The following SEPTIN9 variants were observed in gnomAD, a reference collection of about 807,000 sequenced individuals.
SEPTIN9 encodes septin-9.
Under a neutral mutation model 56.6 loss-of-function variants are expected in SEPTIN9, and 13 were observed. The observed-to-expected ratio is 0.23, with a 90% CI of 0.15 to 0.37. The LOEUF is 0.37. SEPTIN9 is among the 10% of genes least tolerant of loss of function. The pLI, the probability that SEPTIN9 is intolerant of heterozygous loss-of-function variation, is 1.00. For synonymous variants in SEPTIN9, 332 were observed against 334.1 expected, an observed-to-expected ratio of 0.99 and a Z score of 0.07; for missense variants, 650 against 823.1, an observed-to-expected ratio of 0.79 and a Z score of 2.57.
intron 2 of SEPTIN9, among the ~76,000 whole-genome samples, chr17:77,331,732 C>T (rs1376514115): frequency 1.3e-5 from 2 of 152,096 alleles, no homozygotes; most frequent in African/African-American, 4.8e-5. Context: ...GAGAATGCAC[C>T]GGAGGGCAGA....
chr17:77,355,342 G>A (rs1360783944), intron 2 of SEPTIN9, among the ~76,000 whole-genome samples: 5 of 152,210 alleles, frequency 3.3e-5, no homozygotes, highest in African/African-American at 7.2e-5. Flanking sequence ...GCCAGATCCC[G>A]TCTTGGATGT....
chr17:77,429,643 G>A lies in SEPTIN9; in HGVS notation c.721+26940G>A, dbSNP rs1034424545. 6.6e-6 allele frequency among the ~76,000 whole-genome samples: 1 copy of A among 152,184 alleles called. No homozygotes were observed. ...GCTGGTGTGGAGTTTGCACAGATGG[G>A]GATAATGAGCTGGAGGGTGCTGGGC... On this transcript the variant is annotated intron_variant, in intron 3 of 11. Transcript: ENST00000427177. The surrounding 1 kb of genome is among the most constrained non-coding windows in gnomAD (Gnocchi z 5.2).
At chr17:77,343,789 C>T (rs1040397571) in intron 2 of SEPTIN9, among the ~76,000 whole-genome samples, 9 of 151,992 alleles carry the variant, frequency 5.9e-5, no homozygotes, top group Admixed American at 1.3e-4. Flanking sequence ...TGGGGGTCGG[C>T]GGGAGGAAAC....
rs375067644 is a variant in SEPTIN9, at chr17:77,326,541, C to G, written c.76+19344C>G. ...GGCAATGTGTTCAAAGGCCCTGGGG[C>G]GCGGGGGGCTGAGGCCGGCAGCACG... On this transcript the variant is annotated intron_variant, in intron 2 of 11. Coordinates refer to ENST00000427177, the MANE Select transcript of SEPTIN9 (RefSeq NM_001113491.2). The surrounding 1 kb of genome is among the most constrained non-coding windows in gnomAD (Gnocchi z 5.1). Among the ~76,000 whole-genome samples, 1 of 152,260 alleles carries G rather than the reference C, an allele frequency of 6.6e-6. No homozygotes were observed. Among genetic ancestry groups the G allele is most frequent in the African/African-American group, 2.4e-5 (1 of 41,542 alleles).
rs187335354 is a variant in SEPTIN9, at chr17:77,438,444, C to T, written c.721+35741C>T. ...TCCTAATCCCCAGCACCTGGGACTA[C>T]GTTAGGTGACATGGCAGGGCCAGCT... On this transcript the variant is annotated intron_variant, in intron 3 of 11. Coordinates refer to ENST00000427177, the MANE Select transcript of SEPTIN9 (RefSeq NM_001113491.2). 8.4e-4 allele frequency among the ~76,000 whole-genome samples: 128 copies of T among 152,320 alleles called. 1 individual carries two copies. The highest frequency in any genetic ancestry group is 4.8e-3 in the Admixed American group (74 of 15,300).
chr17:77,320,529 C>T (rs1321502488), intron 2 of SEPTIN9, among the ~76,000 whole-genome samples: 1 of 152,250 alleles, frequency 6.6e-6, no homozygotes, highest in African/African-American at 2.4e-5. Context: ...CTAAGCTCTC[C>T]TGAGTCTGGC....
At chr17:77,484,928 ATGG>A (rs372663101) in intron 4 of SEPTIN9, among the ~76,000 whole-genome samples, 2,089 of 61,330 alleles carry the variant, frequency 0.034, 268 homozygotes, top group Middle Eastern at 0.07. Context: ...GGTGATTGTG[ATGG>A]TGGTGATGGG....
chr17:77,422,896 C>T (rs1006201618), intron 3 of SEPTIN9, among the ~76,000 whole-genome samples: 1 of 152,164 alleles, frequency 6.6e-6, no homozygotes, highest in African/African-American at 2.4e-5. Flanking sequence ...CCTGCCAGAG[C>T]AAGTCTAATA....
intron 2 of SEPTIN9, among the ~76,000 whole-genome samples, chr17:77,314,608 C>T (rs150661631): frequency 4.3e-4 from 65 of 152,234 alleles, no homozygotes; most frequent in South Asian, 1.0e-3. Flanking sequence ...AATCCGAGCC[C>T]AGAGCATCAG....
chr17:77,339,082 C>T (rs1157033169), intron 2 of SEPTIN9, among the ~76,000 whole-genome samples: 2 of 152,326 alleles, frequency 1.3e-5, no homozygotes, highest in East Asian at 1.9e-4. Context: ...CTGCTATTTC[C>T]ACCACATCTG....
chr17:77,467,550 A>G (rs1173089460), intron 3 of SEPTIN9, among the ~76,000 whole-genome samples: 2 of 152,080 alleles, frequency 1.3e-5, no homozygotes, highest in South Asian at 2.1e-4. Flanking sequence ...CTCATCCCAC[A>G]CTGACCATTT....
At chr17:77,411,384 CCTTTTT>C (rs957871891) in intron 3 of SEPTIN9, among the ~76,000 whole-genome samples, 2 of 147,598 alleles carry the variant, frequency 1.4e-5, no homozygotes, top group Admixed American at 7.1e-5. Context: ...GTAGCACGTT[CCTTTTT>C]CTTTTTCTTT....
At chr17:77,422,927 G>A (rs777803314) in intron 3 of SEPTIN9, among the ~76,000 whole-genome samples, 3 of 152,160 alleles carry the variant, frequency 2.0e-5, no homozygotes, top group Admixed American at 6.5e-5. Context: ...TAAACCCCTC[G>A]TCCCCACAGC....
At position 77,476,719 on chromosome 17, in the gene SEPTIN9, G is replaced by T. The variant is rs1004575909; in HGVS notation, c.722-5425G>T. Among the ~76,000 whole-genome samples, 2 of 152,208 alleles carry T rather than the reference G, an allele frequency of 1.3e-5. No individual in the cohort carries two copies. Among genetic ancestry groups the T allele is most frequent in the Non-Finnish European group, 2.9e-5 (2 of 68,036 alleles). On this transcript the variant is annotated intron_variant, in intron 3 of 11. Transcript: ENST00000427177. The surrounding 1 kb of genome is among the most constrained non-coding windows in gnomAD (Gnocchi z 6.0). Reference sequence around the variant, plus strand: ...CAGAATGGGAACCTGCAGAGAAACTGTCAAGGTCTCCCGCCACCTGACACC... The same window carrying T: ...CAGAATGGGAACCTGCAGAGAAACTTTCAAGGTCTCCCGCCACCTGACACC...
At position 77,475,889 on chromosome 17, in the gene SEPTIN9, GCAGTGA is replaced by G. The variant is rs747181447; in HGVS notation, c.722-6251_722-6246del. 6.2e-7 allele frequency: 1 copy of G among 1,611,266 alleles called. No homozygotes were observed. Among genetic ancestry groups the G allele is most frequent in the Admixed American group, 1.7e-5 (1 of 59,988 alleles). On this transcript the variant is annotated intron_variant, in intron 3 of 11. Transcript: ENST00000427177. This position sits in a 1 kb window ranked among gnomAD's most constrained non-coding sequence, Gnocchi z 4.6. Reference sequence around the variant, plus strand: ...CTTGCATTCTGCTTGGCCACCATTGGCAGTGACAGACAAGGTGTGTGGGGATGTGGC... The same window carrying G: ...CTTGCATTCTGCTTGGCCACCATTGGCAGACAAGGTGTGTGGGGATGTGGC...
At chr17:77,283,453 C>T (rs1025601473) in intron 1 of SEPTIN9, among the ~76,000 whole-genome samples, 1 of 152,070 alleles carries the variant, frequency 6.6e-6, no homozygotes, top group Non-Finnish European at 1.5e-5. Flanking sequence ...TCTGAGTGTC[C>T]TGGAGCTGTC....
At chr17:77,413,833 G>A (rs1405341249) in intron 3 of SEPTIN9, among the ~76,000 whole-genome samples, 1 of 150,986 alleles carries the variant, frequency 6.6e-6, no homozygotes, top group Non-Finnish European at 1.5e-5. Flanking sequence ...CACGAACCAG[G>A]ACACACCTAT....
chr17:77,383,676 T>C (rs1037621823), intron 2 of SEPTIN9, among the ~76,000 whole-genome samples: 4 of 152,328 alleles, frequency 2.6e-5, no homozygotes, highest in Non-Finnish European at 4.4e-5. Flanking sequence ...ACCTGGCTGG[T>C]ACTTTGGGTG....
At chr17:77,364,923 A>G (rs911976963) in intron 2 of SEPTIN9, among the ~76,000 whole-genome samples, 3 of 152,220 alleles carry the variant, frequency 2.0e-5, no homozygotes, top group African/African-American at 7.2e-5. Flanking sequence ...TTTCTTCACA[A>G]CCACCACTGG....
Sources: gnomAD v4.1 joint callset for allele counts (sites outside exome capture counted in the v4.1 genomes callset) on GRCh38, gnomAD v4.1.1 for gene constraint, Gnocchi (gnomAD v3.1) non-coding constraint, MANE v1.5 for transcripts, NCBI Gene and HGNC (gene_info 2026-07-23, HGNC 2026-07-21) for gene names.